The following CCNY variants were observed in gnomAD, a reference collection of about 807,000 sequenced individuals.
CCNY encodes cyclin Y.
A neutral mutation model predicts 42.8 loss-of-function variants in CCNY; 19 were observed. That is an observed-to-expected ratio of 0.44 (90% CI 0.31 to 0.65). CCNY has a LOEUF of 0.65. CCNY is among the 30% of genes least tolerant of loss of function. The probability of loss-of-function intolerance (pLI) is 0.07; values close to 1 mark genes in which losing one functional copy is unlikely to be tolerated. For missense variants in CCNY, 370 were observed against 437.3 expected (o/e 0.85, Z 1.37); for synonymous variants, 165 against 162.7 (o/e 1.01, Z -0.11).
chr10:35,296,808 A>G (rs1835476778), intron 3 of CCNY, among the ~76,000 whole-genome samples: 2 of 152,212 alleles, frequency 1.3e-5, no homozygotes, highest in South Asian at 4.1e-4. Context: ...TTGAAGCAGT[A>G]ATAAAAAGCC....
In CCNY at chr10:35,540,746, T is replaced by C. The variant is rs1249520383; in HGVS notation, c.579+10503T>C. Among the ~76,000 whole-genome samples, 7 of 152,328 alleles carry C rather than the reference T, an allele frequency of 4.6e-5. No individual in the cohort carries two copies. In the East Asian group the frequency reaches 1.3e-3, roughly 29 times the overall value. On this transcript the variant is annotated intron_variant, in intron 7 of 9. Coordinates refer to ENST00000374704, the MANE Select transcript of CCNY (RefSeq NM_145012.6). ...TTATCTCTTCTTGAGTCAGTTGCAG[T>C]AGTTTGTGTTTTTCTAGGAATTTGT...
intron 1 of CCNY, among the ~76,000 whole-genome samples, chr10:35,406,076 T>C (rs1190439174): frequency 6.6e-6 from 1 of 152,060 alleles, no homozygotes; most frequent in Non-Finnish European, 1.5e-5. Context: ...CAGAAATACA[T>C]TGCTACTTGG....
rs35988898 is a variant in CCNY, at chr10:35,259,495, GTTTTTTTTTTTTT to G, written c.-9+8882_-9+8894del. On this transcript the variant is annotated intron_variant, in intron 3 of 11. Coordinates refer to the CCNY transcript ENST00000374706. Reference sequence around the variant, plus strand: ...TAAACCACCACACCCAGTCCTGGTTGTTTTTTTTTTTTTTTTTTTTTTTTTGAGACAGAGTCTT... The same window carrying G: ...TAAACCACCACACCCAGTCCTGGTTGTTTTTTTTTTTTGAGACAGAGTCTT... 2.1e-4 allele frequency among the ~76,000 whole-genome samples: 14 copies of G among 65,154 alleles called. 1 individual carries two copies. The South Asian group carries it at 7.5e-3, about 35-fold the overall frequency. 42.7% of individuals were successfully genotyped at this position (65,154 alleles called of 152,430 possible). A position where few individuals can be genotyped will look rare whatever the true frequency, so the allele number is the denominator to read the frequency against.
At chr10:35,483,586 TA>T (rs1480044305) in intron 2 of CCNY, 108 bp downstream of exon 2, 1 of 708,692 alleles carries the variant, frequency 1.4e-6, no homozygotes, top group Admixed American at 2.7e-5. Flanking sequence ...AGAGTCCCTT[TA>T]GTGACCCACA....
intron 1 of CCNY, among the ~76,000 whole-genome samples, chr10:35,436,385 C>T (rs1838533961): frequency 6.6e-6 from 1 of 152,180 alleles, no homozygotes; most frequent in Non-Finnish European, 1.5e-5. Flanking sequence ...AGCTCTTGCT[C>T]CTGGCTCTTG....
At chr10:35,392,752 C>T (rs1377949830) in intron 1 of CCNY, among the ~76,000 whole-genome samples, 1 of 152,144 alleles carries the variant, frequency 6.6e-6, no homozygotes, top group Non-Finnish European at 1.5e-5. Context: ...GTGACATGAC[C>T]AGGTGACAGG....
intron 1 of CCNY, 31 bp downstream of exon 1, chr10:35,337,238 C>T (rs539132589): frequency 6.8e-7 from 1 of 1,470,132 alleles, no homozygotes; most frequent in Non-Finnish European, 9.1e-7. Flanking sequence ...CCCCTACCCG[C>T]CCCCGCGGCA....
chr10:35,270,814 C>T (rs1036489699), intron 3 of CCNY, among the ~76,000 whole-genome samples: 12 of 149,720 alleles, frequency 8.0e-5, no homozygotes, highest in African/African-American at 3.0e-4. Context: ...CAAGCTCTGC[C>T]TCCCGGGTTC....
intron 1 of CCNY, among the ~76,000 whole-genome samples, chr10:35,373,943 C>T (rs577971762): frequency 1.3e-5 from 2 of 150,836 alleles, no homozygotes; most frequent in Non-Finnish European, 3.0e-5. Flanking sequence ...TCAAGTGCCC[C>T]ATACAAATAA....
chr10:35,360,288 C>CTTTTTTTTTTTTTT (rs5784449), intron 1 of CCNY, among the ~76,000 whole-genome samples: 6 of 99,884 alleles, frequency 6.0e-5, no homozygotes, highest in East Asian at 2.8e-4. Flanking sequence ...CTTTTCTTTT[C>CTTTTTTTTTTTTTT]TTTTTTTTTT....
chr10:35,552,969 G>A (rs1181125567), intron 7 of CCNY, 50 bp from the exon 8 acceptor site: 3 of 1,571,556 alleles, frequency 1.9e-6, no homozygotes, highest in African/African-American at 2.7e-5. Context: ...GTGTGCTGGT[G>A]TTTAGGAGAA....
chr10:35,549,752 G>C (rs113915422), intron 7 of CCNY, among the ~76,000 whole-genome samples: 44 of 101,542 alleles, frequency 4.3e-4, no homozygotes, highest in South Asian at 7.2e-4. Flanking sequence ...TGACCCTACA[G>C]TGCTCGTGAC....
At chr10:35,500,890 G>C (rs1253540041) in intron 2 of CCNY, among the ~76,000 whole-genome samples, 1 of 151,832 alleles carries the variant, frequency 6.6e-6, no homozygotes, top group Non-Finnish European at 1.5e-5. Flanking sequence ...GTGACTGTTA[G>C]AGCAGTATCA....
At chr10:35,317,423 CT>C (rs769232894) in intron 3 of CCNY, among the ~76,000 whole-genome samples, 13 of 152,210 alleles carry the variant, frequency 8.5e-5, no homozygotes, top group Non-Finnish European at 1.8e-4. Context: ...ACGGCAATAC[CT>C]ACTTTTCTAC....
chr10:35,288,824 GT>G (rs1167660372), intron 3 of CCNY, among the ~76,000 whole-genome samples: 1 of 152,116 alleles, frequency 6.6e-6, no homozygotes, highest in East Asian at 1.9e-4. Flanking sequence ...ACATTTTTGA[GT>G]TTTTCCTCAC....
chr10:35,510,641 A>G (rs1046834783), intron 3 of CCNY, among the ~76,000 whole-genome samples: 1 of 152,212 alleles, frequency 6.6e-6, no homozygotes. Context: ...ATATTTATTC[A>G]GTTCATGTAC....
Position 35,494,695 on chromosome 10 carries a change from T to C in CCNY, c.230-6806T>C, listed in dbSNP as rs866251671. Among the ~76,000 whole-genome samples the C allele has an allele frequency of 9.2e-5, 14 of 152,346 alleles. 2 individuals carry two copies. The South Asian group carries it at 2.9e-3, about 32-fold the overall frequency. On this transcript the variant is annotated intron_variant, in intron 2 of 9. Transcript: ENST00000374704. ...GCCTTTATGTATTAAAGAATTATTATACAATCAGTCAAAATGCTAACACAC... is the reference window on the plus strand; with the variant it reads ...GCCTTTATGTATTAAAGAATTATTACACAATCAGTCAAAATGCTAACACAC...
At chr10:35,568,277 G>A (rs944364405) in intron 9 of CCNY, among the ~76,000 whole-genome samples, 1 of 152,128 alleles carries the variant, frequency 6.6e-6, no homozygotes, top group African/African-American at 2.4e-5. Context: ...GCTGTGTCAC[G>A]GGCCCTAGGG....
chr10:35,283,571 T>A (rs1490017526), intron 3 of CCNY, among the ~76,000 whole-genome samples: 2 of 152,042 alleles, frequency 1.3e-5, no homozygotes, highest in South Asian at 4.2e-4. Flanking sequence ...GCTTGGCTAA[T>A]TTTTTGTATT....
Sources: allele counts gnomAD v4.1 joint callset (sites outside exome capture counted in the v4.1 genomes callset), GRCh38; gene constraint gnomAD v4.1.1; transcripts MANE v1.5; gene names NCBI Gene and HGNC (gene_info 2026-07-23, HGNC 2026-07-21).